Variants in MALRD1 observed in about 807,000 individuals in gnomAD.
MALRD1 encodes MAM and LDL receptor class A domain containing 1, also known as MAM and LDL-receptor class A domain-containing protein 1.
Under a neutral mutation model 242.1 loss-of-function variants are expected in MALRD1, and 247 were observed. The ratio of observed to expected loss-of-function variants is 1.02; its 90% CI spans 0.92 to 1.13. The LOEUF (loss-of-function observed/expected upper bound fraction) is 1.13. MALRD1 is among the 50% of genes most tolerant of loss of function. MALRD1 has a pLI of 0.00. For missense variants in MALRD1, 2,989 were observed against 2,533.1 expected (o/e 1.18, Z -3.86); for synonymous variants, 995 against 866.6 (o/e 1.15, Z -2.60).
intron 28 of MALRD1, among the ~76,000 whole-genome samples, chr10:19,445,098 C>T (rs966913862): frequency 7.2e-5 from 11 of 152,122 alleles, no homozygotes; most frequent in African/African-American, 9.7e-5. Context: ...TTGATTGAAT[C>T]GGCTACTGAA....
At position 19,066,770 on chromosome 10, in the gene MALRD1, A is replaced by G. The variant is rs1834992684; in HGVS notation, c.251A>G (p.Gln84Arg). 2 of 1,233,592 alleles carry G rather than the reference A, an allele frequency of 1.6e-6. No individual in the cohort carries two copies. Among genetic ancestry groups the G allele is most frequent in the African/African-American group, 3.1e-5 (2 of 64,604 alleles). 76.4% of individuals were successfully genotyped at this position (1,233,592 alleles called of 1,614,324 possible). Residue 84 changes from glutamine (Q) to arginine (R), a missense_variant, in exon 2 of 40, where the codon CAA (glutamine) becomes CGA (arginine). Physicochemically the swap from Gln to Arg is conservative, Grantham distance 43 (BLOSUM62 1). Transcript: ENST00000454679. The part of the protein sequence containing the change: ...DFEDGLCHMT[Q>R]DQSLQPSWTK... ...GAGGATGGTCTCTGTCATATGACTCAAGATCAGAGTCTGCAACCTAGTTGG... is the reference window on the plus strand; with the variant it reads ...GAGGATGGTCTCTGTCATATGACTCGAGATCAGAGTCTGCAACCTAGTTGG...
At chr10:19,229,518 C>A (rs962877824) in intron 18 of MALRD1, among the ~76,000 whole-genome samples, 5 of 152,078 alleles carry the variant, frequency 3.3e-5, no homozygotes, top group Non-Finnish European at 5.9e-5. Flanking sequence ...AGAACCATGG[C>A]CTTAATCATG....
intron 26 of MALRD1, among the ~76,000 whole-genome samples, chr10:19,378,563 A>G (rs1845702551): frequency 6.6e-6 from 1 of 152,090 alleles, no homozygotes; most frequent in African/African-American, 2.4e-5. Flanking sequence ...GAAGACAAAT[A>G]TTTTTTGTTT....
intron 36 of MALRD1, among the ~76,000 whole-genome samples, chr10:19,644,467 G>A (rs961440426): frequency 2.0e-3 from 1 of 512 alleles, no homozygotes; most frequent in Non-Finnish European, 4.0e-3. Context: ...CTTTGGTTAC[G>A]GTCATCAGAC....
chr10:19,233,929 A>C (rs1439673274), intron 18 of MALRD1, among the ~76,000 whole-genome samples: 1 of 151,968 alleles, frequency 6.6e-6, no homozygotes, highest in African/African-American at 2.4e-5. Context: ...TTTAATATGA[A>C]GTTTTTATGT....
intron 28 of MALRD1, among the ~76,000 whole-genome samples, chr10:19,443,061 C>T (rs939062792): frequency 1.3e-5 from 2 of 152,120 alleles, no homozygotes; most frequent in Admixed American, 6.5e-5. Flanking sequence ...GTGTATGTGT[C>T]GAGGAATTTA....
At position 19,433,190 on chromosome 10, in the gene MALRD1, AAGG is replaced by A. The variant is rs543790018; in HGVS notation, c.4846-17114_4846-17112del. ...GTATATAAGTATAGTAAGTGCTAAG[AAGG>A]AGAAGTATATCCTGCTCGCAGAGTG... On this transcript the variant is annotated intron_variant, in intron 28 of 39. Transcript: ENST00000454679. Among the ~76,000 whole-genome samples the A allele has an allele frequency of 7.9e-5, 12 of 152,320 alleles. No individual in the cohort carries two copies. The South Asian group carries it at 1.9e-3, about 24-fold the overall frequency.
intron 36 of MALRD1, among the ~76,000 whole-genome samples, chr10:19,661,653 A>G (rs1229362273): frequency 6.6e-6 from 1 of 152,078 alleles, no homozygotes; most frequent in African/African-American, 2.4e-5. Flanking sequence ...GGGCGGGGGG[A>G]AGGATAGCAT....
At chr10:19,595,085 A>G (rs766473989) in intron 33 of MALRD1, 109 bp from the exon 34 acceptor site, 12 of 1,113,364 alleles carry the variant, frequency 1.1e-5, no homozygotes, top group Admixed American at 3.0e-5. Flanking sequence ...ATTTACTTCA[A>G]TTAATAAAAT....
At chr10:19,225,164 T>G (rs1837739259) in intron 18 of MALRD1, among the ~76,000 whole-genome samples, 1 of 152,136 alleles carries the variant, frequency 6.6e-6, no homozygotes, top group East Asian at 1.9e-4. Flanking sequence ...TACAATGCCT[T>G]CTGTCAATGG....
chr10:19,291,837 C>A (rs1841442811), intron 21 of MALRD1, among the ~76,000 whole-genome samples: 1 of 151,802 alleles, frequency 6.6e-6, no homozygotes, highest in Non-Finnish European at 1.5e-5. Flanking sequence ...GTAATCCCAG[C>A]ACTTTGGGAG....
At chr10:19,589,217 A>T (rs1358253953) in intron 33 of MALRD1, among the ~76,000 whole-genome samples, 1 of 152,208 alleles carries the variant, frequency 6.6e-6, no homozygotes, top group Admixed American at 6.5e-5. Context: ...ATAGATAGAT[A>T]GAAGATAGAT....
intron 38 of MALRD1, among the ~76,000 whole-genome samples, chr10:19,693,556 C>T (rs560656672): frequency 7.2e-5 from 11 of 152,252 alleles, no homozygotes; most frequent in Non-Finnish European, 1.5e-4. Flanking sequence ...CTACAAACCA[C>T]TGCTCAAGGA....
intron 1 of MALRD1, among the ~76,000 whole-genome samples, chr10:19,065,082 G>A (rs372335161): frequency 1.3e-3 from 195 of 152,038 alleles, no homozygotes; most frequent in African/African-American, 4.1e-3. Flanking sequence ...GAGGTCAGGA[G>A]TTCGAGACCA....
intron 24 of MALRD1, among the ~76,000 whole-genome samples, chr10:19,345,588 A>G (rs971164334): frequency 3.3e-5 from 5 of 152,180 alleles, no homozygotes; most frequent in Non-Finnish European, 7.4e-5. Context: ...TACATTTCAA[A>G]TGACATTTGA....
chr10:19,111,374 G>T (rs2131353763), intron 5 of MALRD1, among the ~76,000 whole-genome samples: 1 of 152,250 alleles, frequency 6.6e-6, no homozygotes, highest in African/African-American at 2.4e-5. Flanking sequence ...GTGTGGAGAA[G>T]AAATTTACTA....
chr10:19,486,375 G>C (rs1370712879), intron 29 of MALRD1, among the ~76,000 whole-genome samples: 1 of 152,040 alleles, frequency 6.6e-6, no homozygotes, highest in African/African-American at 2.4e-5. Context: ...TGCCTTCAAT[G>C]CATCTAGATG....
At chr10:19,684,821 T>C (rs1445602165) in intron 36 of MALRD1, among the ~76,000 whole-genome samples, 1 of 152,120 alleles carries the variant, frequency 6.6e-6, no homozygotes, top group Non-Finnish European at 1.5e-5. Flanking sequence ...GAAACAAAAT[T>C]ATAAATCGAA....
At chr10:19,262,034 T>C (rs1381459659) in intron 19 of MALRD1, among the ~76,000 whole-genome samples, 1 of 152,262 alleles carries the variant, frequency 6.6e-6, no homozygotes, top group South Asian at 2.1e-4. Flanking sequence ...GCCCTTAAAT[T>C]AGTTTATTTT....
Sources: gnomAD v4.1 joint callset for allele counts (sites outside exome capture counted in the v4.1 genomes callset) on GRCh38, gnomAD v4.1.1 for gene constraint, MANE v1.5 for transcripts, NCBI Gene and HGNC (gene_info 2026-07-23, HGNC 2026-07-21) for gene names.